Variants in ATRN observed in about 807,000 individuals in gnomAD.
The protein encoded by ATRN is attractin-2.
A neutral mutation model predicts 178.7 loss-of-function variants in ATRN; 54 were observed. The observed-to-expected ratio is 0.30, with a 90% CI of 0.24 to 0.38. The LOEUF (loss-of-function observed/expected upper bound fraction) is 0.38, where lower values mean the gene tolerates loss of function less well. Ranked by LOEUF, ATRN falls within the 10% of genes least tolerant of loss-of-function variation. The pLI is 1.00. For synonymous variants in ATRN, 636 were observed against 663.0 expected (o/e 0.96, Z 0.63); for missense variants, 1,443 against 1,815.1 (o/e 0.79, Z 3.73).
intron 1 of ATRN, among the ~76,000 whole-genome samples, chr20:3,508,998 A>T (rs978249416): frequency 1.3e-5 from 2 of 152,188 alleles, no homozygotes; most frequent in Non-Finnish European, 2.9e-5. Context: ...TAGTAAAAGG[A>T]TGCATAACAT....
intron 1 of ATRN, among the ~76,000 whole-genome samples, chr20:3,474,905 G>A (rs560797235): frequency 9.6e-5 from 14 of 145,992 alleles, no homozygotes; most frequent in Non-Finnish European, 1.8e-4. Context: ...GGTGGCAGGC[G>A]CCTGTGATCC....
intron 1 of ATRN, among the ~76,000 whole-genome samples, chr20:3,508,072 G>A (rs2085072252): frequency 6.6e-6 from 1 of 151,920 alleles, no homozygotes; most frequent in African/African-American, 2.4e-5. Context: ...AAAAAGGCTG[G>A]GCGTGATGGC....
intron 1 of ATRN, chr20:3,490,463 G>T: frequency 3.1e-6 from 3 of 973,378 alleles, no homozygotes; most frequent in Non-Finnish European, 5.0e-6. Flanking sequence ...AGCATCTCTA[G>T]GTATCTCTTA....
chr20:3,545,662 T>A, intron 3 of ATRN, 100 bp from the exon 4 acceptor site: 1 of 1,483,440 alleles, frequency 6.7e-7, no homozygotes, highest in East Asian at 2.3e-5. Context: ...GGATGTGGTT[T>A]TTAAATTTTA....
Position 3,559,403 on chromosome 20 carries a change from G to C in ATRN, c.1123G>C (p.Ala375Pro), listed in dbSNP as rs1203033788. The C allele has an allele frequency of 6.2e-7, 1 of 1,612,672 alleles. No individual in the cohort carries two copies. The highest frequency in any genetic ancestry group is 8.5e-7 in the Non-Finnish European group (1 of 1,178,694). Residue 375 changes from alanine (A) to proline (P), a missense_variant, in exon 7 of 29, where the codon GCT (alanine) becomes CCT (proline). This residue lies in a region of ATRN where 862 missense variants were observed against 972.1 expected (regional missense o/e 0.89). Transcript: ENST00000262919. ...CTGTTTGTTTTGTAGGTATGACCTTGCTTCTAGGGAGTGGCTTCCACTAAA... is the reference window on the plus strand; with the variant it reads ...CTGTTTGTTTTGTAGGTATGACCTTCCTTCTAGGGAGTGGCTTCCACTAAA... Reference protein sequence around the residue: ...DYNMVLAYDLASREWLPLNRS... With the variant: ...DYNMVLAYDLPSREWLPLNRS...
In ATRN at chr20:3,572,946, AAAG is replaced by A; in HGVS notation, c.2091_2092+1del. The A allele has an allele frequency of 6.2e-7, 1 of 1,613,480 alleles. No individual in the cohort carries two copies. Among genetic ancestry groups the A allele is most frequent in the Middle Eastern group, 1.7e-4 (1 of 6,026 alleles). On this transcript the variant is annotated inframe_deletion and splice_region_variant, in exon 12 of 29. Coordinates refer to ENST00000262919, the MANE Select transcript of ATRN (RefSeq NM_139321.3). The stretch of plus-strand genomic sequence containing the variant: ...AAGTTAAAATCAGAATGTTTTTCCA[AAAG>A]AAGTATGTTTTTTTTTCTCTACTTA...
At chr20:3,600,844 T>C (rs546139139) in intron 22 of ATRN, 102 bp from the exon 23 acceptor site, 3 of 1,099,910 alleles carry the variant, frequency 2.7e-6, no homozygotes, top group African/African-American at 3.2e-5. Context: ...CATCATAAAA[T>C]GTTTGTGATT....
intron 27 of ATRN, among the ~76,000 whole-genome samples, chr20:3,641,590 CA>C (rs61692220): frequency 0.22 from 10,241 of 47,034 alleles, 75 homozygotes; most frequent in East Asian, 0.44. Flanking sequence ...GACTCTGTCG[CA>C]AAAAAAAAAA....
intron 27 of ATRN, among the ~76,000 whole-genome samples, chr20:3,640,744 A>T (rs1244731747): frequency 6.6e-6 from 1 of 152,240 alleles, no homozygotes; most frequent in Non-Finnish European, 1.5e-5. Context: ...ATTATATATG[A>T]TCTGGCAATC....
rs771032766 is a variant in ATRN at position 3,593,848 on chromosome 20, A to G, written c.3323-631A>G. 3.5e-4 allele frequency among the ~76,000 whole-genome samples: 54 copies of G among 152,196 alleles called. 1 individual carries two copies. The highest frequency in any genetic ancestry group is 1.6e-4 in the Non-Finnish European group (11 of 68,034). On this transcript the variant is annotated intron_variant, in intron 19 of 28. Transcript: ENST00000262919. ...GAGTATAATATTTATCACGGCTTGT[A>G]TTACGTTGGATGATAAAAGGAGAGA...
chr20:3,637,589 A>G (rs1428355617), intron 26 of ATRN, among the ~76,000 whole-genome samples: 1 of 152,208 alleles, frequency 6.6e-6, no homozygotes, highest in South Asian at 2.1e-4. Flanking sequence ...GCCTACTTGT[A>G]TCCCAAGGCA....
chr20:3,631,448 A>C lies in ATRN; in HGVS notation c.3864-2863A>C, dbSNP rs139357176. Among the ~76,000 whole-genome samples, 461 of 148,884 alleles carry C rather than the reference A, an allele frequency of 3.1e-3. 3 individuals are homozygous for C. Among genetic ancestry groups the C allele is most frequent in the Middle Eastern group, 0.028 (8 of 290 alleles). On this transcript the variant is annotated intron_variant, in intron 25 of 28. Transcript: ENST00000262919. ...TCCAGACTCCGGGCACAGAAAAGTA[A>C]ACTCTAGGTCCTGACACAGTCTGTT...
rs60176330 is a variant in ATRN, at chr20:3,504,688, G to GATAATA, written c.411-30519_411-30514dup. Among the ~76,000 whole-genome samples, 425 of 135,932 alleles carry GATAATA rather than the reference G, an allele frequency of 3.1e-3. 5 individuals are homozygous for GATAATA. Among genetic ancestry groups the GATAATA allele is most frequent in the Middle Eastern group, 0.011 (3 of 266 alleles). 89.2% of individuals were successfully genotyped at this position (135,932 alleles called of 152,430 possible). A position where few individuals can be genotyped will look rare whatever the true frequency, so the allele number is the denominator to read the frequency against. ...CAATAAGAGTGAAACTCTGTCTTAA[G>GATAATA]ATAATAATAATAATAATAATAATAA... On this transcript the variant is annotated intron_variant, in intron 1 of 28. Transcript: ENST00000262919.
At chr20:3,636,978 G>A (rs749791986) in intron 26 of ATRN, among the ~76,000 whole-genome samples, 1 of 152,148 alleles carries the variant, frequency 6.6e-6, no homozygotes, top group African/African-American at 2.4e-5. Context: ...AAAAATGAAG[G>A]CTTAAGTATA....
chr20:3,560,024 T>A (rs980397332), intron 7 of ATRN, among the ~76,000 whole-genome samples: 2 of 152,016 alleles, frequency 1.3e-5, no homozygotes, highest in African/African-American at 4.8e-5. Flanking sequence ...ACCCTTAAAA[T>A]TTTTTTTAAT....
chr20:3,557,705 G>A (rs1369680769), intron 6 of ATRN, among the ~76,000 whole-genome samples: 1 of 152,124 alleles, frequency 6.6e-6, no homozygotes, highest in Non-Finnish European at 1.5e-5. Flanking sequence ...TTAAGGACCT[G>A]GACATTGTAA....
At chr20:3,540,434 T>C (rs2085602165) in intron 3 of ATRN, 99 bp downstream of exon 3, 2 of 722,506 alleles carry the variant, frequency 2.8e-6, no homozygotes, top group African/African-American at 1.8e-5. Flanking sequence ...TATTATCACT[T>C]AACACATTTA....
At chr20:3,500,964 T>TA (rs1275784339) in intron 1 of ATRN, among the ~76,000 whole-genome samples, 1 of 152,126 alleles carries the variant, frequency 6.6e-6, no homozygotes, top group Non-Finnish European at 1.5e-5. Flanking sequence ...TAACTAAATG[T>TA]ATATTAAGTT....
At chr20:3,575,214 G>A (rs879400244) in intron 12 of ATRN, among the ~76,000 whole-genome samples, 3 of 152,112 alleles carry the variant, frequency 2.0e-5, no homozygotes, top group Non-Finnish European at 4.4e-5. Flanking sequence ...CGCCCGCCTC[G>A]GCCTCCCGAA....
Sources: allele counts gnomAD v4.1 joint callset (sites outside exome capture counted in the v4.1 genomes callset), GRCh38; gene constraint gnomAD v4.1.1; regional missense constraint gnomAD v4.1.1; transcripts MANE v1.5; gene names NCBI Gene and HGNC (gene_info 2026-07-23, HGNC 2026-07-21).